SLC9C2: variants seen among roughly 807,000 people sequenced by gnomAD.
The protein encoded by SLC9C2 is sodium/hydrogen exchanger 11.
In SLC9C2, 75 loss-of-function variants were observed where a neutral mutation model predicts 140.2. The observed-to-expected ratio is 0.53, with a 90% CI of 0.44 to 0.65. SLC9C2 has a LOEUF of 0.65. Among genes scored for constraint, SLC9C2 ranks in the 30% least tolerant of loss-of-function variants. SLC9C2 has a pLI of 0.00. For missense variants in SLC9C2, 1,074 were observed against 1,331.8 expected (o/e 0.81, Z 3.01); for synonymous variants, 375 against 420.9 (o/e 0.89, Z 1.34).
chr1:173,550,926 AGGAGGGGAGGGGAGG>A (rs1171573243), intron 11 of SLC9C2, among the ~76,000 whole-genome samples: 1 of 82,510 alleles, frequency 1.2e-5, no homozygotes, highest in African/African-American at 5.8e-5. Flanking sequence ...GGAAGGGAAG[AGGAGGGGAGGGGAGG>A]GGAGGGGAGC....
intron 2 of SLC9C2, among the ~76,000 whole-genome samples, 167 bp downstream of exon 2, chr1:173,601,482 AG>A (rs1666779750): frequency 6.6e-6 from 1 of 152,244 alleles, no homozygotes; most frequent in African/African-American, 2.4e-5. Flanking sequence ...ACAGGAATAT[AG>A]AATAGACACT....
chr1:173,600,277 G>A (rs1418784214), intron 2 of SLC9C2, 60 bp from the exon 3 acceptor site: 8 of 1,251,942 alleles, frequency 6.4e-6, no homozygotes, highest in Non-Finnish European at 9.1e-6. Context: ...TACCAAATGT[G>A]TATCACTTTT....
In SLC9C2 at chr1:173,557,351, C is replaced by T. The variant is rs1278931601; in HGVS notation, c.1204G>A (p.Val402Ile). 1 of 1,611,968 alleles carries T rather than the reference C, an allele frequency of 6.2e-7. No homozygotes were observed. Among genetic ancestry groups the T allele is most frequent in the Admixed American group, 1.7e-5 (1 of 59,416 alleles). Residue 402 changes from valine (V) to isoleucine (I), a missense_variant, in exon 10 of 28, where the codon GTA (valine) becomes ATA (isoleucine). By Grantham distance (29) the Val-to-Ile change is conservative (BLOSUM62 3). Transcript: ENST00000367714. ...VYNLAERKVE[V>I]PQMFILYVQV... is the part of the protein sequence containing the mutation. ...ATGATCTTTCCTACCATTTGTGGTA[C>T]TTCCACTTTTCGTTCAGCGAGATTA...
At chr1:173,515,327 C>T (rs983037164) in intron 23 of SLC9C2, among the ~76,000 whole-genome samples, 1 of 152,144 alleles carries the variant, frequency 6.6e-6, no homozygotes, top group Non-Finnish European at 1.5e-5. Flanking sequence ...TTTACATAGT[C>T]CCATATTTCT....
chr1:173,544,034 C>T (rs1340039444), intron 13 of SLC9C2, among the ~76,000 whole-genome samples: 5 of 152,158 alleles, frequency 3.3e-5, no homozygotes, highest in African/African-American at 1.2e-4. Context: ...AGAGCTTCTG[C>T]ACAGCAAAAG....
At chr1:173,522,346 G>C (rs1315362615) in intron 21 of SLC9C2, among the ~76,000 whole-genome samples, 2 of 152,152 alleles carry the variant, frequency 1.3e-5, no homozygotes, top group Non-Finnish European at 2.9e-5. Context: ...GATAACATGA[G>C]TTGAAGACCT....
At chr1:173,586,334 T>C (rs1665846269) in intron 5 of SLC9C2, among the ~76,000 whole-genome samples, 1 of 152,134 alleles carries the variant, frequency 6.6e-6, no homozygotes, top group African/African-American at 2.4e-5. Context: ...AATAAGAATA[T>C]CACAAGCTGG....
intron 24 of SLC9C2, among the ~76,000 whole-genome samples, chr1:173,509,281 T>A (rs1659869485): frequency 6.6e-6 from 1 of 151,936 alleles, no homozygotes; most frequent in Non-Finnish European, 1.5e-5. Flanking sequence ...CTGTCTCTAC[T>A]AATAATAAAA....
At chr1:173,552,529 T>C (rs943921298) in intron 11 of SLC9C2, among the ~76,000 whole-genome samples, 2 of 152,214 alleles carry the variant, frequency 1.3e-5, no homozygotes, top group African/African-American at 4.8e-5. Flanking sequence ...AGCCAATACT[T>C]ACTTATCATT....
At position 173,581,609 on chromosome 1, in the gene SLC9C2, C is replaced by G. The variant is rs114473166; in HGVS notation, c.802+238G>C. On this transcript the variant is annotated intron_variant, in intron 7 of 27. Transcript: ENST00000367714. The stretch of plus-strand genomic sequence containing the variant: ...CTATATACAAAGTCAAATGAAGAGT[C>G]CAAAAAGAACAAGAGAGTAACCACA... Among the ~76,000 whole-genome samples, 820 of 151,584 alleles carry G rather than the reference C, an allele frequency of 5.4e-3. 4 individuals carry two copies. The highest frequency in any genetic ancestry group is 8.4e-3 in the Admixed American group (128 of 15,202).
In SLC9C2 at chr1:173,529,885, GAC is replaced by G. The variant is rs1450967224; in HGVS notation, c.2313+18_2313+19del. 1 of 1,596,170 alleles carries G rather than the reference GAC, an allele frequency of 6.3e-7. No homozygotes were observed. The highest frequency in any genetic ancestry group is 8.5e-7 in the Non-Finnish European group (1 of 1,175,402). ...ACCTAAGGGGTTTTTCTCCCCAAAT[GAC>G]CAGTGCTTGTTTCTCACCTGATATA... On this transcript the variant is annotated intron_variant, in intron 18 of 27. Coordinates refer to ENST00000367714, the MANE Select transcript of SLC9C2 (RefSeq NM_178527.4).
intron 25 of SLC9C2, 32 bp from the exon 26 acceptor site, chr1:173,505,363 A>AGCATTCTTT (rs774863736): frequency 2.6e-6 from 4 of 1,554,318 alleles, no homozygotes; most frequent in Non-Finnish European, 3.6e-6. Context: ...TAGTCAAAAG[A>AGCATTCTTT]GCATTCTTTG....
At chr1:173,509,333 T>C (rs1007116158) in intron 24 of SLC9C2, among the ~76,000 whole-genome samples, 22 of 151,826 alleles carry the variant, frequency 1.4e-4, no homozygotes, top group Non-Finnish European at 2.9e-4. Context: ...TAATCCCAGT[T>C]ACTTGGGAGG....
intron 7 of SLC9C2, among the ~76,000 whole-genome samples, chr1:173,579,884 C>A (rs1333910703): frequency 6.6e-6 from 1 of 152,152 alleles, no homozygotes; most frequent in Non-Finnish European, 1.5e-5. Context: ...CTCTAGGGAA[C>A]CCCATCCTAC....
At chr1:173,503,434 C>T in intron 26 of SLC9C2, 108 bp from the exon 27 acceptor site, 1 of 999,564 alleles carries the variant, frequency 1.0e-6, no homozygotes. Context: ...ATAAGTTTCC[C>T]TTTTCCCTTC....
At chr1:173,582,084 G>T in intron 6 of SLC9C2, 76 bp from the exon 7 acceptor site, 1 of 1,188,996 alleles carries the variant, frequency 8.4e-7, no homozygotes, top group Non-Finnish European at 1.1e-6. Context: ...TGGCATTTGG[G>T]TCTTTGCACT....
At position 173,557,413 on chromosome 1, in the gene SLC9C2, T is replaced by C. The variant is rs1347959341; in HGVS notation, c.1142A>G (p.Lys381Arg). ...WGVVITWSGI[K>R]GVFNLLWAPD... Reference sequence around the variant, plus strand: ...AGCCCAGAGTAAATTAAAAACTCCTTTAATTCCAGACCACGTGATTACAAC... The same window carrying C: ...AGCCCAGAGTAAATTAAAAACTCCTCTAATTCCAGACCACGTGATTACAAC... Residue 381 changes from lysine to arginine, a missense_variant, in exon 10 of 28, where the codon AAA (lysine) becomes AGA (arginine). Physicochemically the swap from Lys to Arg is conservative, Grantham distance 26. Coordinates refer to ENST00000367714, the MANE Select transcript of SLC9C2 (RefSeq NM_178527.4). The C allele has an allele frequency of 6.2e-7, 1 of 1,613,900 alleles. No individual in the cohort carries two copies. The highest frequency in any genetic ancestry group is 1.3e-5 in the African/African-American group (1 of 74,902).
intron 23 of SLC9C2, among the ~76,000 whole-genome samples, chr1:173,512,116 G>A (rs12078424): frequency 0.059 from 9,015 of 152,174 alleles, 908 homozygotes; most frequent in African/African-American, 0.2. Context: ...TTTTGCTTAC[G>A]ATTGTCTTGT....
rs868296040 is a variant in SLC9C2 at position 173,601,549 on chromosome 1, A to G, written c.127+101T>C. On this transcript the variant is annotated intron_variant, in intron 2 of 27. Coordinates refer to ENST00000367714, the MANE Select transcript of SLC9C2 (RefSeq NM_178527.4). Reference sequence around the variant, plus strand: ...TATTCACTCATGTCTTATCGTTTCAATGGGCCCCTTCTTTTGATGTTATGT... The same window carrying G: ...TATTCACTCATGTCTTATCGTTTCAGTGGGCCCCTTCTTTTGATGTTATGT... 4.6e-5 allele frequency: 62 copies of G among 1,338,482 alleles called. 2 individuals carry two copies. The South Asian group carries it at 6.1e-4, about 13-fold the overall frequency. 82.9% of individuals were successfully genotyped at this position (1,338,482 alleles called of 1,614,324 possible).
Sources: gnomAD v4.1 joint callset for allele counts (sites outside exome capture counted in the v4.1 genomes callset) on GRCh38, gnomAD v4.1.1 for gene constraint, MANE v1.5 for transcripts, NCBI Gene and HGNC (gene_info 2026-07-23, HGNC 2026-07-21) for gene names.